Variants in WDR7 observed in about 807,000 individuals in gnomAD.
WDR7 encodes the protein WD repeat-containing protein 7.
In WDR7, 46 loss-of-function variants were observed where a neutral mutation model predicts 169.4. The ratio of observed to expected loss-of-function variants is 0.27; its 90% CI spans 0.21 to 0.35. The LOEUF is 0.35. Ranked by LOEUF, WDR7 falls within the 10% of genes least tolerant of loss-of-function variation. WDR7 has a pLI of 1.00. For synonymous variants in WDR7, 612 were observed against 666.8 expected, an observed-to-expected ratio of 0.92 and a Z score of 1.27; for missense variants, 1,534 against 1,859.3, an observed-to-expected ratio of 0.83 and a Z score of 3.22.
intron 22 of WDR7, among the ~76,000 whole-genome samples, chr18:56,925,738 T>C (rs201516152): frequency 6.6e-6 from 1 of 152,154 alleles, no homozygotes; most frequent in East Asian, 1.9e-4. Context: ...AGATTGGGCA[T>C]TGCCAGCGTA....
intron 25 of WDR7, among the ~76,000 whole-genome samples, chr18:56,957,722 GA>G (rs930208256): frequency 6.6e-6 from 1 of 151,988 alleles, no homozygotes; most frequent in Non-Finnish European, 1.5e-5. Context: ...TTATTTTGGG[GA>G]AAAAAAGATA....
At chr18:57,012,466 C>G (rs1206135776) in intron 26 of WDR7, among the ~76,000 whole-genome samples, 1 of 152,040 alleles carries the variant, frequency 6.6e-6, no homozygotes, top group Non-Finnish European at 1.5e-5. Context: ...CTGCGAGGTC[C>G]CCTGAAATTC....
intron 26 of WDR7, among the ~76,000 whole-genome samples, chr18:56,987,096 C>A (rs777421753): frequency 3.3e-5 from 5 of 152,014 alleles, no homozygotes; most frequent in Non-Finnish European, 5.9e-5. Context: ...TTTACAATAA[C>A]CATGTTCACA....
At chr18:56,676,438 T>A (rs2025245820) in intron 2 of WDR7, among the ~76,000 whole-genome samples, 1 of 152,188 alleles carries the variant, frequency 6.6e-6, no homozygotes, top group African/African-American at 2.4e-5. Context: ...GTTTTTTGTT[T>A]TCTTGTTGTT....
chr18:57,027,105 C>G lies in WDR7; in HGVS notation c.4371C>G (p.Pro1457=), dbSNP rs536826721. Residue 1457 remains proline (P), a synonymous_variant, in exon 28 of 28, where the codon CCC becomes CCG. Coordinates refer to ENST00000254442, the MANE Select transcript of WDR7 (RefSeq NM_015285.3). ...TGCCCCCTGTGCAGCCCGCGTCCCCCGGCTCCCACAATGCCCTCAAGCTGG... is the reference window on the plus strand; with the variant it reads ...TGCCCCCTGTGCAGCCCGCGTCCCCGGGCTCCCACAATGCCCTCAAGCTGG... ...YQVPPVQPAS[P]GSHNALKLAR... is the part of the protein sequence containing the mutation. 2 of 1,614,206 alleles carry G rather than the reference C, an allele frequency of 1.2e-6. No homozygotes were observed. Among genetic ancestry groups the G allele is most frequent in the South Asian group, 2.2e-5 (2 of 91,086 alleles).
At chr18:56,928,103 G>GCTATTTTTAGCTAATTTTATT (rs2046832115) in intron 22 of WDR7, among the ~76,000 whole-genome samples, 1 of 152,156 alleles carries the variant, frequency 6.6e-6, no homozygotes, top group African/African-American at 2.4e-5. Flanking sequence ...GGAGGAAAAT[G>GCTATTTTTAGCTAATTTTATT]CTATTTTTAG....
chr18:57,000,207 T>C (rs1263640341), intron 26 of WDR7, among the ~76,000 whole-genome samples: 1 of 152,184 alleles, frequency 6.6e-6, no homozygotes, highest in African/African-American at 2.4e-5. Flanking sequence ...TTTATTAGTA[T>C]TTGTATTTAA....
intron 12 of WDR7, among the ~76,000 whole-genome samples, chr18:56,708,228 T>C (rs144503093): frequency 0.012 from 1,844 of 152,054 alleles, 53 homozygotes; most frequent in African/African-American, 0.043. Flanking sequence ...GAGATGGGGA[T>C]TCACCATGTT....
intron 25 of WDR7, among the ~76,000 whole-genome samples, chr18:56,961,918 A>G (rs1010839321): frequency 4.6e-5 from 7 of 152,284 alleles, no homozygotes; most frequent in African/African-American, 1.7e-4. Flanking sequence ...ACTTAGGCAT[A>G]AATTTTATGT....
chr18:56,675,490 A>G (rs993557426), intron 2 of WDR7, among the ~76,000 whole-genome samples: 6 of 151,656 alleles, frequency 4.0e-5, no homozygotes, highest in Non-Finnish European at 5.9e-5. Context: ...GAATTTTTCC[A>G]TTTATTTTAT....
intron 8 of WDR7, 141 bp from the exon 9 acceptor site, chr18:56,691,571 CATT>C: frequency 2.3e-6 from 2 of 885,628 alleles, no homozygotes; most frequent in Non-Finnish European, 1.6e-6. Flanking sequence ...ATTTTTATAA[CATT>C]ATTTAATTTA....
intron 20 of WDR7, among the ~76,000 whole-genome samples, chr18:56,849,109 T>G (rs897126729): frequency 4.6e-5 from 7 of 152,162 alleles, no homozygotes; most frequent in Admixed American, 3.9e-4. Context: ...ATCTATCTCC[T>G]TATCTCTCTC....
chr18:56,661,004 T>C (rs1252373431), intron 1 of WDR7, among the ~76,000 whole-genome samples: 2 of 152,248 alleles, frequency 1.3e-5, no homozygotes, highest in Non-Finnish European at 2.9e-5. Context: ...CTAGTTAGTG[T>C]GACTTTCATA....
chr18:56,982,516 A>G (rs1044447928), intron 26 of WDR7, among the ~76,000 whole-genome samples: 2 of 152,162 alleles, frequency 1.3e-5, no homozygotes, highest in African/African-American at 4.8e-5. Context: ...AGCTTGAGCT[A>G]TTTTCACATG....
At chr18:56,818,973 T>C (rs888642111) in intron 20 of WDR7, among the ~76,000 whole-genome samples, 4 of 152,250 alleles carry the variant, frequency 2.6e-5, no homozygotes, top group Non-Finnish European at 4.4e-5. Flanking sequence ...GTTAGGCTAA[T>C]GTGTATAGTT....
rs117922749 is a variant in WDR7, at chr18:56,745,108, A to G, written c.1990-11475A>G. ...GTAGGGATTAAGTTATGACTTAACAATAGGATTCATACATGCCTTATGAAT... is the reference window on the plus strand; with the variant it reads ...GTAGGGATTAAGTTATGACTTAACAGTAGGATTCATACATGCCTTATGAAT... On this transcript the variant is annotated intron_variant, in intron 14 of 27. Coordinates refer to ENST00000254442, the MANE Select transcript of WDR7 (RefSeq NM_015285.3). Among the ~76,000 whole-genome samples the G allele has an allele frequency of 3.0e-3, 455 of 151,558 alleles. 4 individuals are homozygous for G. The East Asian group carries it at 0.034, about 11-fold the overall frequency.
chr18:56,874,765 CTT>C (rs2046000477), intron 20 of WDR7, among the ~76,000 whole-genome samples: 1 of 151,996 alleles, frequency 6.6e-6, no homozygotes, highest in Admixed American at 6.6e-5. Flanking sequence ...CCAGAACTAA[CTT>C]TAAAAAAAGA....
intron 1 of WDR7, among the ~76,000 whole-genome samples, chr18:56,658,305 T>C (rs2024823987): frequency 6.6e-6 from 1 of 152,116 alleles, no homozygotes; most frequent in Admixed American, 6.5e-5. Flanking sequence ...GGTTTCACCA[T>C]GTTGGCCTGG....
intron 14 of WDR7, among the ~76,000 whole-genome samples, chr18:56,738,944 G>A (rs907696188): frequency 5.3e-5 from 8 of 150,716 alleles, no homozygotes; most frequent in East Asian, 3.9e-4. Context: ...ATAATAATGC[G>A]TTCTAGATTT....
Sources: allele counts gnomAD v4.1 joint callset (sites outside exome capture counted in the v4.1 genomes callset), GRCh38; gene constraint gnomAD v4.1.1; transcripts MANE v1.5; gene names NCBI Gene and HGNC (gene_info 2026-07-23, HGNC 2026-07-21).